SNX27: variants seen among roughly 807,000 people sequenced by gnomAD.
SNX27 encodes the protein sorting nexin-27.
Under a neutral mutation model 71.6 loss-of-function variants are expected in SNX27, and 22 were observed. That is an observed-to-expected ratio of 0.31 (90% CI 0.22 to 0.44). The LOEUF is 0.44. Among genes scored for constraint, SNX27 ranks in the 20% least tolerant of loss-of-function variants. The pLI is 1.00. For synonymous variants in SNX27, 269 were observed against 277.2 expected, an observed-to-expected ratio of 0.97 and a Z score of 0.29; for missense variants, 531 against 698.6, an observed-to-expected ratio of 0.76 and a Z score of 2.70.
At chr1:151,686,645 GC>G (rs1671201064) in intron 8 of SNX27, among the ~76,000 whole-genome samples, 2 of 152,168 alleles carry the variant, frequency 1.3e-5, no homozygotes, top group Non-Finnish European at 2.9e-5. Context: ...GTGTTCAAAG[GC>G]ATTAGCCTAG....
intron 1 of SNX27, among the ~76,000 whole-genome samples, chr1:151,622,598 G>C (rs534271938): frequency 6.6e-6 from 1 of 152,164 alleles, no homozygotes; most frequent in South Asian, 2.1e-4. Context: ...AATCATCTGG[G>C]GGTAGCATTT....
intron 8 of SNX27, among the ~76,000 whole-genome samples, chr1:151,684,426 C>T (rs944754871): frequency 2.6e-5 from 4 of 152,164 alleles, no homozygotes; most frequent in African/African-American, 9.7e-5. Flanking sequence ...CCGAACAGGG[C>T]TGCCTAGAGT....
chr1:151,670,798 A>G lies in SNX27; in HGVS notation c.1149+2163A>G, dbSNP rs371766691. Among the ~76,000 whole-genome samples, 91 of 152,040 alleles carry G rather than the reference A, an allele frequency of 6.0e-4. 2 individuals carry two copies. The South Asian group carries it at 0.016, about 27-fold the overall frequency. Reference sequence around the variant, plus strand: ...AAGCTTTTTAGCTTAATGTGATCCCATTTGTCCATTTTTGCTTTGGTTGAC... The same window carrying G: ...AAGCTTTTTAGCTTAATGTGATCCCGTTTGTCCATTTTTGCTTTGGTTGAC... On this transcript the variant is annotated intron_variant, in intron 7 of 11. Coordinates refer to ENST00000458013, the MANE Select transcript of SNX27 (RefSeq NM_001330723.2).
chr1:151,688,310 T>G (rs539739039), intron 8 of SNX27, among the ~76,000 whole-genome samples: 1 of 152,156 alleles, frequency 6.6e-6, no homozygotes, highest in African/African-American at 2.4e-5. Flanking sequence ...CCAAATACCC[T>G]TTTAAATATC....
In SNX27 at chr1:151,641,881, ATATC is replaced by A. The variant is rs568301730; in HGVS notation, c.543+2763_543+2766del. On this transcript the variant is annotated intron_variant, in intron 2 of 11. Coordinates refer to ENST00000458013, the MANE Select transcript of SNX27 (RefSeq NM_001330723.2). ...TCAGCTATAGATATATATGATATATATATCAGCTATAGATATATATGAGATATAT... is the reference window on the plus strand; with the variant it reads ...TCAGCTATAGATATATATGATATATAAGCTATAGATATATATGAGATATAT... Among the ~76,000 whole-genome samples the A allele has an allele frequency of 6.8e-3, 946 of 138,444 alleles. 36 individuals carry two copies. The highest frequency in any genetic ancestry group is 0.026 in the African/African-American group (904 of 34,602). 90.8% of individuals were successfully genotyped at this position (138,444 alleles called of 152,430 possible).
intron 3 of SNX27, chr1:151,659,476 A>T (rs1340441214): frequency 2.0e-5 from 3 of 152,296 alleles, no homozygotes; most frequent in Non-Finnish European, 4.4e-5. Flanking sequence ...CGAACTCCTG[A>T]CCTCAGGTGA....
intron 1 of SNX27, among the ~76,000 whole-genome samples, chr1:151,632,016 A>G (rs1359561399): frequency 1.3e-5 from 2 of 152,172 alleles, no homozygotes; most frequent in African/African-American, 2.4e-5. Flanking sequence ...CCTAAGAAAA[A>G]GAATCTGAAT....
Position 151,637,153 on chromosome 1 carries a change from G to GTTTTTTTTT in SNX27, c.312-1727_312-1726insTTTTTTTTT, listed in dbSNP as rs200938062. 6.2e-5 allele frequency among the ~76,000 whole-genome samples: 4 copies of GTTTTTTTTT among 64,082 alleles called. 1 individual carries two copies. The highest frequency in any genetic ancestry group is 9.8e-5 in the Non-Finnish European group (3 of 30,488). The allele number at this position is 64,082 out of a possible 152,430, so 42.0% of individuals were successfully genotyped here. On this transcript the variant is annotated intron_variant, in intron 1 of 11. Transcript: ENST00000458013. Reference sequence around the variant, plus strand: ...CTGGTATATGATCAGAGTTGATCACGTTTTTTTTGTTTTTTTGTTTTTTTT... The same window carrying GTTTTTTTTT: ...CTGGTATATGATCAGAGTTGATCACGTTTTTTTTTTTTTTTTTGTTTTTTTGTTTTTTTT...
At chr1:151,691,954 C>G (rs1671472818) in intron 8 of SNX27, among the ~76,000 whole-genome samples, 2 of 152,142 alleles carry the variant, frequency 1.3e-5, no homozygotes, top group South Asian at 2.1e-4. Context: ...AACCCTTGCA[C>G]TTTCGGTGGC....
chr1:151,649,830 C>T (rs533778498), intron 2 of SNX27, among the ~76,000 whole-genome samples: 1 of 152,202 alleles, frequency 6.6e-6, no homozygotes, highest in Admixed American at 6.5e-5. Flanking sequence ...CTCAGCCTTC[C>T]GAGTAGCTGG....
chr1:151,649,299 CA>C (rs1669215504), intron 2 of SNX27, among the ~76,000 whole-genome samples: 2 of 151,518 alleles, frequency 1.3e-5, no homozygotes, highest in South Asian at 4.2e-4. Flanking sequence ...TTTAAAGTAC[CA>C]AAAGAAAAAA....
chr1:151,653,558 A>T (rs933280321), intron 2 of SNX27, among the ~76,000 whole-genome samples: 1 of 152,008 alleles, frequency 6.6e-6, no homozygotes, highest in African/African-American at 2.4e-5. Flanking sequence ...TCCTTCTATC[A>T]CTCAGACTGG....
intron 7 of SNX27, chr1:151,677,566 A>G (rs1318893562): frequency 6.6e-6 from 1 of 152,118 alleles, no homozygotes; most frequent in African/African-American, 2.4e-5. Flanking sequence ...TTTATTTTAA[A>G]TGTATTTTTT....
intron 2 of SNX27, among the ~76,000 whole-genome samples, chr1:151,652,743 A>G (rs1669475044): frequency 6.6e-6 from 1 of 150,888 alleles, no homozygotes; most frequent in Non-Finnish European, 1.5e-5. Flanking sequence ...TTCATTTGTT[A>G]TTTGCTTGTA....
chr1:151,680,098 G>T (rs1670870244), intron 7 of SNX27: 1 of 151,170 alleles, frequency 6.6e-6, no homozygotes, highest in Non-Finnish European at 1.5e-5. Context: ...AGAAGAAAAG[G>T]AAACTAGGGT....
Position 151,637,841 on chromosome 1 carries a change from G to A in SNX27, c.312-1047G>A, listed in dbSNP as rs534339110. ...CAGGAAGGAAAATCCCTAATGGTTT[G>A]GAACAGGACTGAAAAAGAATTTAAC... On this transcript the variant is annotated intron_variant, in intron 1 of 11. Coordinates refer to ENST00000458013, the MANE Select transcript of SNX27 (RefSeq NM_001330723.2). 4.6e-5 allele frequency among the ~76,000 whole-genome samples: 7 copies of A among 152,308 alleles called. 1 individual carries two copies. In the South Asian group the frequency reaches 1.4e-3, roughly 32 times the overall value.
rs560412109 is a variant in SNX27, at chr1:151,649,207, G to A, written c.544-9028G>A. ...GAACTCCTGACCTCGTGATCCACCC[G>A]CCTTTGCCTCCCAAAGTGCTGAGAT... On this transcript the variant is annotated intron_variant, in intron 2 of 11. Transcript: ENST00000458013. Among the ~76,000 whole-genome samples, 3 of 151,776 alleles carry A rather than the reference G, an allele frequency of 2.0e-5. No individual in the cohort carries two copies. In the South Asian group the frequency reaches 6.3e-4, roughly 32 times the overall value.
At position 151,694,659 on chromosome 1, in the gene SNX27, A is replaced by G; in HGVS notation, c.*242A>G. 1 of 423,942 alleles carries G rather than the reference A, an allele frequency of 2.4e-6. No homozygotes were observed. Among genetic ancestry groups the G allele is most frequent in the Non-Finnish European group, 4.2e-6 (1 of 240,272 alleles). 26.3% of individuals were successfully genotyped at this position (423,942 alleles called of 1,614,324 possible). ...ACTGAGTTAAGGCAGGAAAAGAAAT[A>G]AGCCCAACCAACTTGCCAAAGGTAT... On this transcript the variant is annotated 3_prime_UTR_variant, in exon 12 of 12. Transcript: ENST00000458013.
At chr1:151,644,388 G>GT (rs1176494603) in intron 2 of SNX27, among the ~76,000 whole-genome samples, 6 of 151,966 alleles carry the variant, frequency 3.9e-5, no homozygotes, top group South Asian at 2.1e-4. Context: ...TGGAATCATG[G>GT]TTTTTTTTGT....
Sources: allele counts gnomAD v4.1 joint callset (sites outside exome capture counted in the v4.1 genomes callset), GRCh38; gene constraint gnomAD v4.1.1; transcripts MANE v1.5; gene names NCBI Gene and HGNC (gene_info 2026-07-23, HGNC 2026-07-21).